Variants in PTPRB observed in about 807,000 individuals in gnomAD.
PTPRB encodes the protein receptor-type tyrosine-protein phosphatase beta.
Under a neutral mutation model 238.1 loss-of-function variants are expected in PTPRB, and 97 were observed. The observed-to-expected ratio is 0.41, with a 90% CI of 0.35 to 0.48. PTPRB has a LOEUF of 0.48. Among genes scored for constraint, PTPRB ranks in the 20% least tolerant of loss-of-function variants. PTPRB has a pLI of 0.30. For synonymous variants in PTPRB, 970 were observed against 995.4 expected, an observed-to-expected ratio of 0.97 and a Z score of 0.48; for missense variants, 2,292 against 2,681.9, an observed-to-expected ratio of 0.85 and a Z score of 3.21.
intron 33 of PTPRB, among the ~76,000 whole-genome samples, chr12:70,523,203 G>A (rs1161682157): frequency 6.6e-6 from 1 of 151,854 alleles, no homozygotes; most frequent in Non-Finnish European, 1.5e-5. Flanking sequence ...TCACCCAGGT[G>A]GAGTGCAGTG....
chr12:70,539,419 G>A, intron 26 of PTPRB: 1 of 583,460 alleles, frequency 1.7e-6, no homozygotes, highest in Non-Finnish European at 3.0e-6. Flanking sequence ...GGTTTGCTGT[G>A]TTATTCTGGA....
In PTPRB at chr12:70,518,511, A is replaced by T. The variant is rs1378564041; in HGVS notation, c.*2978T>A. 6.6e-6 allele frequency: 1 copy of T among 152,220 alleles called. No homozygotes were observed. Among genetic ancestry groups the T allele is most frequent in the Non-Finnish European group, 1.5e-5 (1 of 68,048 alleles). 9.4% of individuals were successfully genotyped at this position (152,220 alleles called of 1,614,324 possible). On this transcript the variant is annotated 3_prime_UTR_variant, in exon 34 of 34. Transcript: ENST00000334414. ...GAAATTATACTCATGGGTATAAAAG[A>T]TAATATGAACAGTAGATAAAAATCA...
Position 70,532,022 on chromosome 12 carries a change from C to G in PTPRB, c.6504+13G>C. 6.2e-7 allele frequency: 1 copy of G among 1,613,844 alleles called. No individual in the cohort carries two copies. The highest frequency in any genetic ancestry group is 8.5e-7 in the Non-Finnish European group (1 of 1,179,858). On this transcript the variant is annotated intron_variant, in intron 32 of 33. Transcript: ENST00000334414. ...AGGAGGGTGGCCTGTAACTTTCAGT[C>G]TATAACTCTTACCTCAGTCTGGACC...
chr12:70,534,680 G>C, intron 30 of PTPRB, 29 bp from the exon 31 acceptor site: 1 of 1,608,066 alleles, frequency 6.2e-7, no homozygotes, highest in Non-Finnish European at 8.5e-7. Flanking sequence ...GGATAAAAGA[G>C]GAACTGTCCA....
chr12:70,559,515 C>T lies in PTPRB; in HGVS notation c.4542G>A (p.Gln1514=). 6.2e-7 allele frequency: 1 copy of T among 1,614,012 alleles called. No homozygotes were observed. The highest frequency in any genetic ancestry group is 8.5e-7 in the Non-Finnish European group (1 of 1,179,888). The stretch of plus-strand genomic sequence containing the variant: ...CAGTAAGTGCATCTCTGGGCAACCA[C>T]TGCAGCTCAAAGTCGTTGTAGTCTG... ...DWTDYNDFEL[Q]WLPRDALTVF... The change falls in exon 18 of 34, where the codon CAG becomes CAA. Residue 1514 remains glutamine (Q), a synonymous_variant. Transcript: ENST00000334414.
At position 70,590,058 on chromosome 12, in the gene PTPRB, A is replaced by G. The variant is rs778832271; in HGVS notation, c.1956T>C (p.Asp652=). 6.2e-7 allele frequency: 1 copy of G among 1,613,988 alleles called. No individual in the cohort carries two copies. The highest frequency in any genetic ancestry group is 1.7e-5 in the Admixed American group (1 of 60,012). ...VGKEETQYVM[D]DTGLVPGRQY... is the part of the protein sequence containing the mutation. ...GTCTTCCCGGTACGAGCCCCGTGTC[A>G]TCCATGACATACTGTGTTTCTTCCT... The change falls in exon 8 of 34, where the codon GAT becomes GAC. Residue 652 remains aspartate, a synonymous_variant. Coordinates refer to ENST00000334414, the MANE Select transcript of PTPRB (RefSeq NM_001109754.4).
intron 33 of PTPRB, among the ~76,000 whole-genome samples, chr12:70,524,031 G>T (rs886192407): frequency 2.6e-5 from 4 of 151,874 alleles, no homozygotes; most frequent in African/African-American, 9.7e-5. Context: ...GGCTGGTCTC[G>T]AGGTGATCTG....
At chr12:70,555,827 T>C in intron 19 of PTPRB, 43 bp downstream of exon 19, 1 of 1,600,738 alleles carries the variant, frequency 6.2e-7, no homozygotes, top group Non-Finnish European at 8.5e-7. Flanking sequence ...GCCCCTTCAC[T>C]CCAGTGACAG....
chr12:70,618,846 T>A (rs1029084735), intron 3 of PTPRB, among the ~76,000 whole-genome samples: 48 of 152,176 alleles, frequency 3.2e-4, no homozygotes, highest in Admixed American at 3.1e-3. Context: ...CTATGATATG[T>A]GTTAATTCAT....
Position 70,581,100 on chromosome 12 carries a change from G to A in PTPRB, c.2514C>T (p.Ser838=), listed in dbSNP as rs374912045. The change falls in exon 10 of 34, where the codon TCC becomes TCT. Residue 838 remains serine, a synonymous_variant. Coordinates refer to ENST00000334414, the MANE Select transcript of PTPRB (RefSeq NM_001109754.4). ...CTCCACTCACTGTTGTTACCACCAC[G>A]GAGTACAGGCTGCCGGACTTGAGAG... ...FHSLKSGSLY[S]VVVTTVSGGI... The A allele has an allele frequency of 1.1e-5, 18 of 1,613,856 alleles. No individual in the cohort carries two copies. Among genetic ancestry groups the A allele is most frequent in the Non-Finnish European group, 1.2e-5 (14 of 1,179,880 alleles).
At chr12:70,575,661 CT>C (rs1880604347) in intron 11 of PTPRB, among the ~76,000 whole-genome samples, 1 of 152,162 alleles carries the variant, frequency 6.6e-6, no homozygotes, top group Non-Finnish European at 1.5e-5. Flanking sequence ...CAACCCATAG[CT>C]TAGTAGGAAA....
At chr12:70,531,603 G>A (rs888457567) in intron 32 of PTPRB, among the ~76,000 whole-genome samples, 18 of 152,074 alleles carry the variant, frequency 1.2e-4, no homozygotes, top group African/African-American at 9.7e-5. Flanking sequence ...AATATGTCTC[G>A]CTTGGTTATT....
At position 70,552,942 on chromosome 12, in the gene PTPRB, A is replaced by G. The variant is rs1355137725; in HGVS notation, c.5222T>C (p.Val1741Ala). Reference protein sequence around the residue: ...LEYRHNASIRVYQTNYFASKC... With the variant: ...LEYRHNASIRAYQTNYFASKC... ...GCTGGCAAAATAATTAGTCTGATAC[A>G]CCCGAATGGAGGCATTGTGCCTGTA... The change falls in exon 21 of 34, where the codon GTG becomes GCG. Residue 1741 changes from valine to alanine, a missense_variant. Val to Ala is a moderately conservative substitution (Grantham distance 64). Around this residue, in one of 4 missense-constraint regions of PTPRB, gnomAD observed 683 missense variants for 862.0 expected, o/e 0.79. Transcript: ENST00000334414. 4 of 1,613,924 alleles carry G rather than the reference A, an allele frequency of 2.5e-6. No homozygotes were observed. The highest frequency in any genetic ancestry group is 4.5e-5 in the East Asian group (2 of 44,868).
intron 21 of PTPRB, among the ~76,000 whole-genome samples, chr12:70,549,370 AAAC>A (rs1191866400): frequency 6.6e-6 from 1 of 152,218 alleles, no homozygotes; most frequent in Non-Finnish European, 1.5e-5. Context: ...TTTAGAATAA[AAAC>A]AAAACCAGAC....
At position 70,518,567 on chromosome 12, in the gene PTPRB, TAGG is replaced by T. The variant is rs940025223; in HGVS notation, c.*2919_*2921del. On this transcript the variant is annotated 3_prime_UTR_variant, in exon 34 of 34. Transcript: ENST00000334414. ...AACTGGGAAAACAAACATATTCAAG[TAGG>T]AGGAGTGGGGCAAGTAATAAAACAG... The T allele has an allele frequency of 2.6e-5, 4 of 151,614 alleles. No individual in the cohort carries two copies. The highest frequency in any genetic ancestry group is 5.9e-5 in the Non-Finnish European group (4 of 67,908). 9.4% of individuals were successfully genotyped at this position (151,614 alleles called of 1,614,324 possible). A position where few individuals can be genotyped will look rare whatever the true frequency, so the allele number is the denominator to read the frequency against.
At chr12:70,569,331 T>G (rs1879736121) in intron 14 of PTPRB, among the ~76,000 whole-genome samples, 1 of 152,148 alleles carries the variant, frequency 6.6e-6, no homozygotes, top group African/African-American at 2.4e-5. Flanking sequence ...CTCGAACTCC[T>G]GAACTCAAGC....
intron 32 of PTPRB, 115 bp from the exon 33 acceptor site, chr12:70,524,706 A>G (rs1212094105): frequency 4.7e-6 from 5 of 1,072,756 alleles, no homozygotes; most frequent in Non-Finnish European, 5.1e-6. Context: ...TTTCTTGAAC[A>G]TCGCTTCACT....
intron 11 of PTPRB, among the ~76,000 whole-genome samples, chr12:70,574,629 A>C (rs186324812): frequency 6.6e-6 from 1 of 152,262 alleles, no homozygotes; most frequent in Non-Finnish European, 1.5e-5. Flanking sequence ...GATGTGATAC[A>C]GAATTAGAAA....
rs1885179923 is a variant in PTPRB, at chr12:70,626,300, T to TCC, written c.452-3655_452-3654insGG. ...AAAGGATGATGTCTATCCATCCATC[T>TCC]ATCTATCTATCTATCTATCTATCTA... On this transcript the variant is annotated intron_variant, in intron 2 of 33. Coordinates refer to ENST00000334414, the MANE Select transcript of PTPRB (RefSeq NM_001109754.4). Among the ~76,000 whole-genome samples, 91 of 25,536 alleles carry TCC rather than the reference T, an allele frequency of 3.6e-3. 7 individuals are homozygous for TCC. The highest frequency in any genetic ancestry group is 0.034 in the Admixed American group (79 of 2,306). 16.8% of individuals were successfully genotyped at this position (25,536 alleles called of 152,430 possible).
Sources: gnomAD v4.1 joint callset for allele counts (sites outside exome capture counted in the v4.1 genomes callset) on GRCh38, gnomAD v4.1.1 for gene constraint, gnomAD v4.1.1 regional missense constraint, MANE v1.5 for transcripts, NCBI Gene and HGNC (gene_info 2026-07-23, HGNC 2026-07-21) for gene names.